Variants in GMDS observed in about 807,000 individuals in gnomAD.
The protein encoded by GMDS is GDP-mannose 4,6-dehydratase, also known as GDP-mannose 4,6 dehydratase.
In GMDS, 20 loss-of-function variants were observed where a neutral mutation model predicts 49.9. The ratio of observed to expected loss-of-function variants is 0.40; its 90% CI spans 0.28 to 0.58. GMDS has a LOEUF of 0.58. GMDS is among the 20% of genes least tolerant of loss of function. GMDS has a pLI of 0.42. For missense variants in GMDS, 362 were observed against 481.4 expected (o/e 0.75, Z 2.32); for synonymous variants, 177 against 178.6 (o/e 0.99, Z 0.07).
At chr6:1,725,651 T>C (rs9378309) in intron 9 of GMDS, among the ~76,000 whole-genome samples, 127,464 of 152,224 alleles carry the variant, frequency 0.84, 53,825 homozygotes, top group East Asian at 1. Flanking sequence ...AGGCTGGTCT[T>C]GAACTCCTGA....
intron 9 of GMDS, among the ~76,000 whole-genome samples, chr6:1,677,285 T>C (rs1764656004): frequency 6.6e-6 from 1 of 151,966 alleles, no homozygotes; most frequent in Non-Finnish European, 1.5e-5. Context: ...AAACAACAGG[T>C]CTGGAGAGGA....
chr6:2,032,589 T>C (rs1769034942), intron 4 of GMDS, among the ~76,000 whole-genome samples: 1 of 152,306 alleles, frequency 6.6e-6, no homozygotes, highest in Middle Eastern at 3.4e-3. Context: ...ACAACAAGTA[T>C]TGTTTTAGGT....
intron 1 of GMDS, among the ~76,000 whole-genome samples, chr6:2,210,648 G>A (rs1405130085): frequency 1.3e-5 from 2 of 152,164 alleles, no homozygotes; most frequent in Non-Finnish European, 2.9e-5. Context: ...TACTCCCAAG[G>A]TGGGGTAAGA....
intron 8 of GMDS, among the ~76,000 whole-genome samples, chr6:1,738,810 T>C (rs892104866): frequency 6.6e-6 from 1 of 152,198 alleles, no homozygotes; most frequent in Non-Finnish European, 1.5e-5. Flanking sequence ...TCCCTCTCCA[T>C]GTTCTCGGCT....
intron 1 of GMDS, among the ~76,000 whole-genome samples, chr6:2,193,313 C>A (rs769025188): frequency 5.3e-5 from 8 of 152,248 alleles, no homozygotes; most frequent in Non-Finnish European, 1.0e-4. Flanking sequence ...AACAGGAAGA[C>A]TACCATTTTA....
Position 2,137,886 on chromosome 6 carries a change from G to C in GMDS, c.103-13155C>G, listed in dbSNP as rs116407079. On this transcript the variant is annotated intron_variant, in intron 1 of 10. Transcript: ENST00000380815. ...ACTGGATAATTTTAACTACTAGTAT[G>C]TGTCACACTTTTTGCCAAGTTAACT... Among the ~76,000 whole-genome samples the C allele has an allele frequency of 5.7e-3, 864 of 152,290 alleles. 2 individuals are homozygous for C. Among genetic ancestry groups the C allele is most frequent in the Middle Eastern group, 0.017 (5 of 294 alleles).
intron 4 of GMDS, among the ~76,000 whole-genome samples, chr6:2,030,145 T>G (rs924345909): frequency 6.6e-6 from 1 of 152,204 alleles, no homozygotes; most frequent in South Asian, 2.1e-4. Flanking sequence ...ACCAGACAGA[T>G]CCATCACTGC....
Position 1,905,874 on chromosome 6 carries a change from CAT to C in GMDS, c.771+24227_771+24228del, listed in dbSNP as rs1183020531. Among the ~76,000 whole-genome samples the C allele has an allele frequency of 9.7e-4, 72 of 74,372 alleles. 4 individuals are homozygous for C. The highest frequency in any genetic ancestry group is 2.1e-3 in the South Asian group (5 of 2,362). 48.8% of individuals were successfully genotyped at this position (74,372 alleles called of 152,430 possible). A position where few individuals can be genotyped will look rare whatever the true frequency, so the allele number is the denominator to read the frequency against. On this transcript the variant is annotated intron_variant, in intron 7 of 10. Coordinates refer to ENST00000380815, the MANE Select transcript of GMDS (RefSeq NM_001500.4). ...GCCAGCACATAGCTGTGGGTGCTGG[CAT>C]GTGACAATAACCCCATAGGCCATCT...
chr6:1,736,100 C>A (rs191534463), intron 8 of GMDS, among the ~76,000 whole-genome samples: 1 of 152,216 alleles, frequency 6.6e-6, no homozygotes, highest in Admixed American at 6.5e-5. Flanking sequence ...GCATCAACTG[C>A]CTATGAAATG....
intron 7 of GMDS, among the ~76,000 whole-genome samples, chr6:1,821,010 T>G (rs1770864208): frequency 6.6e-6 from 1 of 152,214 alleles, no homozygotes. Flanking sequence ...TGTATATTTT[T>G]AAGTTATGGA....
At chr6:2,051,925 TGGCCAACACG>T (rs966583618) in intron 4 of GMDS, among the ~76,000 whole-genome samples, 5 of 152,000 alleles carry the variant, frequency 3.3e-5, no homozygotes, top group Admixed American at 6.6e-5. Flanking sequence ...AAGACCAGCC[TGGCCAACACG>T]GTGAAACCCC....
At chr6:2,166,697 G>A (rs976564982) in intron 1 of GMDS, among the ~76,000 whole-genome samples, 18 of 152,148 alleles carry the variant, frequency 1.2e-4, no homozygotes, top group African/African-American at 4.1e-4. Context: ...CAAGTCAGGC[G>A]CTATCTTACT....
At chr6:1,661,633 G>A (rs1017934318) in intron 9 of GMDS, among the ~76,000 whole-genome samples, 2 of 152,198 alleles carry the variant, frequency 1.3e-5, no homozygotes, top group Admixed American at 6.5e-5. Flanking sequence ...TGGGACTGTG[G>A]CTGCAGGAGA....
chr6:1,632,203 C>A (rs1443560104), intron 9 of GMDS, among the ~76,000 whole-genome samples: 1 of 152,198 alleles, frequency 6.6e-6, no homozygotes, highest in African/African-American at 2.4e-5. Flanking sequence ...GGACAAAACC[C>A]TCTGTAGAAT....
chr6:2,020,068 T>C (rs992213637), intron 4 of GMDS, among the ~76,000 whole-genome samples: 13 of 152,194 alleles, frequency 8.5e-5, no homozygotes, highest in Admixed American at 8.5e-4. Flanking sequence ...GACTGCTTCT[T>C]GATATTTGAA....
chr6:1,685,752 T>A (rs1764954055), intron 9 of GMDS, among the ~76,000 whole-genome samples: 1 of 152,062 alleles, frequency 6.6e-6, no homozygotes, highest in Non-Finnish European at 1.5e-5. Context: ...AGAGGAAGGA[T>A]GGGAAGGAAT....
chr6:2,174,913 T>C (rs994804147), intron 1 of GMDS, among the ~76,000 whole-genome samples: 1 of 152,002 alleles, frequency 6.6e-6, no homozygotes, highest in Non-Finnish European at 1.5e-5. Flanking sequence ...ATATGAAATA[T>C]AGGAAACAGG....
At chr6:1,846,601 G>A (rs1019791309) in intron 7 of GMDS, among the ~76,000 whole-genome samples, 6 of 152,180 alleles carry the variant, frequency 3.9e-5, no homozygotes, top group African/African-American at 1.2e-4. Flanking sequence ...CATGGAAAGA[G>A]AAGCTATGCT....
chr6:2,159,947 T>C (rs1344762304), intron 1 of GMDS, among the ~76,000 whole-genome samples: 4 of 152,172 alleles, frequency 2.6e-5, no homozygotes, highest in Non-Finnish European at 5.9e-5. Flanking sequence ...AACTGTAATA[T>C]ATAAAATATG....
Sources: allele counts gnomAD v4.1 joint callset (sites outside exome capture counted in the v4.1 genomes callset), GRCh38; gene constraint gnomAD v4.1.1; transcripts MANE v1.5; gene names NCBI Gene and HGNC (gene_info 2026-07-23, HGNC 2026-07-21).